Variants in PDGFRA observed in about 807,000 individuals in gnomAD.
The protein encoded by PDGFRA is platelet derived growth factor receptor alpha.
A neutral mutation model predicts 121.5 loss-of-function variants in PDGFRA; 25 were observed. That is an observed-to-expected ratio of 0.21 (90% CI 0.15 to 0.29). The LOEUF (loss-of-function observed/expected upper bound fraction) is 0.29. Among genes scored for constraint, PDGFRA ranks in the 10% least tolerant of loss-of-function variants. PDGFRA has a pLI of 1.00. For missense variants in PDGFRA, 1,008 were observed against 1,345.1 expected, an observed-to-expected ratio of 0.75 and a Z score of 3.92; for synonymous variants, 463 against 494.8, an observed-to-expected ratio of 0.94 and a Z score of 0.85.
At chr4:54,271,765 CTCCTTCCT>C (rs541236056) in intron 8 of PDGFRA, among the ~76,000 whole-genome samples, 129 of 140,064 alleles carry the variant, frequency 9.2e-4, no homozygotes, top group Non-Finnish European at 1.5e-3. Context: ...TTTCCTTTCT[CTCCTTCCT>C]TCCTTCCTTC....
rs1302330738 is a variant in PDGFRA at position 54,296,758 on chromosome 4, A to T, written c.*1486A>T. 3 of 232,922 alleles carry T rather than the reference A, an allele frequency of 1.3e-5. No individual in the cohort carries two copies. The East Asian group carries it at 1.8e-4, about 14-fold the overall frequency. The allele number at this position is 232,922 out of a possible 1,614,324, so 14.4% of individuals were successfully genotyped here. A position where few individuals can be genotyped will look rare whatever the true frequency, so the allele number is the denominator to read the frequency against. The stretch of plus-strand genomic sequence containing the variant: ...CAGGAAGTTGCCATGGGAAACAAAT[A>T]ATTTGAACTTTGGAACAGGGTTGGC... On this transcript the variant is annotated 3_prime_UTR_variant, in exon 23 of 23. Transcript: ENST00000257290.
intron 11 of PDGFRA, 27 bp downstream of exon 11, chr4:54,274,652 A>G: frequency 1.3e-6 from 2 of 1,567,822 alleles, no homozygotes; most frequent in Non-Finnish European, 1.8e-6. Context: ...AAAACTAAAG[A>G]TCTTTGAAGC....
chr4:54,248,780 A>T (rs560114524), intron 1 of PDGFRA, among the ~76,000 whole-genome samples: 1 of 152,324 alleles, frequency 6.6e-6, no homozygotes, highest in East Asian at 1.9e-4. Flanking sequence ...GTGAATAGGC[A>T]ACCTACAAAA....
At chr4:54,294,912 C>A (rs2110357959) in intron 22 of PDGFRA, among the ~76,000 whole-genome samples, 1 of 152,232 alleles carries the variant, frequency 6.6e-6, no homozygotes, top group African/African-American at 2.4e-5. Context: ...AAAGACCCAG[C>A]AGAAAAGCAG....
intron 21 of PDGFRA, among the ~76,000 whole-genome samples, chr4:54,290,071 T>G (rs1385065625): frequency 6.6e-6 from 1 of 152,200 alleles, no homozygotes; most frequent in Non-Finnish European, 1.5e-5. Context: ...GCTACTGACT[T>G]GGAGAAGGGG....
chr4:54,251,732 C>T (rs1026345097), intron 1 of PDGFRA, among the ~76,000 whole-genome samples: 15 of 152,162 alleles, frequency 9.9e-5, no homozygotes, highest in Admixed American at 2.0e-4. Context: ...TATCTTGGGA[C>T]ATCAAGAAGA....
At chr4:54,230,602 T>C (rs1197993158) in intron 1 of PDGFRA, 1 of 152,268 alleles carries the variant, frequency 6.6e-6, no homozygotes, top group Non-Finnish European at 1.5e-5. Flanking sequence ...GAAACTTGTT[T>C]GCAGGTAAGA....
chr4:54,245,205 G>A (rs370094285), intron 1 of PDGFRA, among the ~76,000 whole-genome samples: 2 of 152,078 alleles, frequency 1.3e-5, no homozygotes, highest in Non-Finnish European at 2.9e-5. Context: ...TCAGATTCAG[G>A]AAATACAGAG....
intron 4 of PDGFRA, 57 bp from the exon 5 acceptor site, chr4:54,264,862 A>G: frequency 7.0e-7 from 1 of 1,433,836 alleles, no homozygotes; most frequent in Non-Finnish European, 9.7e-7. Context: ...CCCAAACTTT[A>G]TAAGATCCTG....
At position 54,263,672 on chromosome 4, in the gene PDGFRA, G is replaced by A. The variant is rs762935664; in HGVS notation, c.373G>A (p.Asp125Asn). 1 of 1,613,838 alleles carries A rather than the reference G, an allele frequency of 6.2e-7. No individual in the cohort carries two copies. Among genetic ancestry groups the A allele is most frequent in the East Asian group, 2.2e-5 (1 of 44,880 alleles). The change falls in exon 4 of 23, where the codon GAT (aspartate) becomes AAT (asparagine). Residue 125 changes from aspartate to asparagine, a missense_variant. Asp to Asn is a conservative substitution (Grantham distance 23). Around this residue, in one of 5 missense-constraint regions of PDGFRA, gnomAD observed 575 missense variants for 701.8 expected, o/e 0.82. Transcript: ENST00000257290. ...CATTCTTTTTTAAACCACAGACCCA[G>A]ATGTAGCCTTTGTACCTCTAGGAAT... ...RHIYIYVPDP[D>N]VAFVPLGMTD...
At chr4:54,247,675 G>A (rs530723396) in intron 1 of PDGFRA, among the ~76,000 whole-genome samples, 8 of 152,032 alleles carry the variant, frequency 5.3e-5, no homozygotes, top group Non-Finnish European at 7.4e-5. Flanking sequence ...ACAGGGATGC[G>A]CTCTCTCACC....
At chr4:54,283,664 T>C (rs1267974062) in intron 16 of PDGFRA, among the ~76,000 whole-genome samples, 1 of 152,256 alleles carries the variant, frequency 6.6e-6, no homozygotes, top group Admixed American at 6.5e-5. Flanking sequence ...TAGCAAGTGG[T>C]TGCCCAGCAG....
In PDGFRA at chr4:54,274,863, G is replaced by A. The variant is rs2110299411; in HGVS notation, c.1676G>A (p.Trp559Ter). ...TAGAAACCGAGGTATGAAATTCGCT[G>A]GAGGGTCATTGAATCAATCAGCCCA... ...WKQKPRYEIR[W>*]RVIESISPDG... Residue 559 changes from tryptophan (W) to a stop codon, truncating the protein, a stop_gained, in exon 12 of 23, where the codon TGG (tryptophan) becomes TAG (stop). Coordinates refer to ENST00000257290, the MANE Select transcript of PDGFRA (RefSeq NM_006206.6). LOFTEE classifies it high-confidence loss of function. The A allele has an allele frequency of 6.2e-7, 1 of 1,614,074 alleles. No individual in the cohort carries two copies.
chr4:54,285,531 A>G (rs1724310385), intron 17 of PDGFRA, 45 bp downstream of exon 17: 1 of 874,780 alleles, frequency 1.1e-6, no homozygotes, highest in Non-Finnish European at 2.0e-6. Flanking sequence ...GATTTCAGTG[A>G]GTGGAGTGTG....
At chr4:54,261,635 T>A (rs1454500742) in intron 3 of PDGFRA, among the ~76,000 whole-genome samples, 1 of 151,954 alleles carries the variant, frequency 6.6e-6, no homozygotes, top group Non-Finnish European at 1.5e-5. Flanking sequence ...TGTTATGACA[T>A]GTCCTGTATT....
At chr4:54,254,347 T>A (rs1208542465) in intron 1 of PDGFRA, among the ~76,000 whole-genome samples, 1 of 152,248 alleles carries the variant, frequency 6.6e-6, no homozygotes, top group Non-Finnish European at 1.5e-5. Context: ...GTTTGGAATC[T>A]TAAGCAACAA....
chr4:54,245,728 G>A (rs573482770), intron 1 of PDGFRA, among the ~76,000 whole-genome samples: 2 of 152,306 alleles, frequency 1.3e-5, no homozygotes, highest in Non-Finnish European at 2.9e-5. Context: ...AACTTTAAAT[G>A]TAAATGGACT....
At chr4:54,242,489 C>G (rs980958800) in intron 1 of PDGFRA, among the ~76,000 whole-genome samples, 11 of 152,062 alleles carry the variant, frequency 7.2e-5, no homozygotes, top group African/African-American at 2.7e-4. Context: ...TTTTAAAGGA[C>G]CTCTATAGTT....
At chr4:54,251,734 T>C (rs1378585428) in intron 1 of PDGFRA, among the ~76,000 whole-genome samples, 1 of 152,132 alleles carries the variant, frequency 6.6e-6, no homozygotes, top group African/African-American at 2.4e-5. Flanking sequence ...TCTTGGGACA[T>C]CAAGAAGAAA....
Sources: gnomAD v4.1 joint callset for allele counts (sites outside exome capture counted in the v4.1 genomes callset) on GRCh38, gnomAD v4.1.1 for gene constraint, gnomAD v4.1.1 regional missense constraint, MANE v1.5 for transcripts, NCBI Gene and HGNC (gene_info 2026-07-23, HGNC 2026-07-21) for gene names.